Variants in PPARA observed in about 807,000 individuals in gnomAD.
The protein encoded by PPARA is peroxisome proliferator-activated receptor alpha.
In PPARA, 22 loss-of-function variants were observed where a neutral mutation model predicts 42.2. The observed-to-expected ratio is 0.52, with a 90% CI of 0.37 to 0.74. The LOEUF is 0.74. Among genes scored for constraint, PPARA ranks in the 30% least tolerant of loss-of-function variants. The pLI is 0.00. For synonymous variants in PPARA, 242 were observed against 239.3 expected, an observed-to-expected ratio of 1.01 and a Z score of -0.10; for missense variants, 465 against 608.2, an observed-to-expected ratio of 0.76 and a Z score of 2.48.
chr22:46,156,997 G>T lies in PPARA; in HGVS notation c.-127+5027G>T, dbSNP rs940401985. On this transcript the variant is annotated intron_variant, in intron 2 of 8. Coordinates refer to ENST00000407236, the MANE Select transcript of PPARA (RefSeq NM_005036.6). The surrounding 1 kb of genome is among the most constrained non-coding windows in gnomAD (Gnocchi z 5.2). ...CAACTCCATGGCATACCTGGACCAG[G>T]CCTCTTCATCTTGAAGAGGGATCTG... Among the ~76,000 whole-genome samples the T allele has an allele frequency of 2.0e-5, 3 of 152,102 alleles. No homozygotes were observed. Among genetic ancestry groups the T allele is most frequent in the African/African-American group, 4.8e-5 (2 of 41,420 alleles).
chr22:46,218,706 T>C (rs1601785843), intron 6 of PPARA, among the ~76,000 whole-genome samples: 1 of 150,622 alleles, frequency 6.6e-6, no homozygotes, highest in Non-Finnish European at 1.5e-5. Flanking sequence ...TGGTGGCACA[T>C]GCCTGTAGTC....
In PPARA at chr22:46,193,433, A is replaced by G. The variant is rs115155728; in HGVS notation, c.-42-4909A>G. 0.016 allele frequency among the ~76,000 whole-genome samples: 2,497 copies of G among 152,294 alleles called. 71 individuals carry two copies. The highest frequency in any genetic ancestry group is 0.057 in the African/African-American group (2,368 of 41,560). ...TTAATGGTATATTTTTAAATAACTTAAAGAGTATAATTGGATTGTTGTAAC... is the reference window on the plus strand; with the variant it reads ...TTAATGGTATATTTTTAAATAACTTGAAGAGTATAATTGGATTGTTGTAAC... On this transcript the variant is annotated intron_variant, in intron 3 of 8. Transcript: ENST00000407236. The surrounding 1 kb of genome is among the most constrained non-coding windows in gnomAD (Gnocchi z 5.3).
chr22:46,189,111 A>T (rs898510190), intron 3 of PPARA, among the ~76,000 whole-genome samples: 5 of 152,266 alleles, frequency 3.3e-5, no homozygotes, highest in African/African-American at 1.2e-4. Context: ...TTGACTTTTG[A>T]TTCTTGTGGC....
chr22:46,180,898 T>C lies in PPARA; in HGVS notation c.-43+4062T>C, dbSNP rs1929860225. 6.6e-6 allele frequency among the ~76,000 whole-genome samples: 1 copy of C among 152,146 alleles called. No homozygotes were observed. The highest frequency in any genetic ancestry group is 2.4e-5 in the African/African-American group (1 of 41,440). ...GGAGACCTGGGACCTTTGGTGCCAA[T>C]GGGAGGACTTTAGCCCGGAAAGGAG... On this transcript the variant is annotated intron_variant, in intron 3 of 8. Coordinates refer to ENST00000407236, the MANE Select transcript of PPARA (RefSeq NM_005036.6). This position sits in a 1 kb window ranked among gnomAD's most constrained non-coding sequence, Gnocchi z 4.2.
chr22:46,159,172 A>G (rs1322925107), intron 2 of PPARA, among the ~76,000 whole-genome samples: 1 of 142,624 alleles, frequency 7.0e-6, no homozygotes, highest in Non-Finnish European at 1.5e-5. Flanking sequence ...GATTACAGGC[A>G]TGAGCCACCA....
At position 46,180,666 on chromosome 22, in the gene PPARA, GT is replaced by G. The variant is rs1929824840; in HGVS notation, c.-43+3831del. ...TCACATATTTCCTGCCTCAAGATGC[GT>G]AAAAGGTACTTGCCTTCTTTGTTTG... On this transcript the variant is annotated intron_variant, in intron 3 of 8. Transcript: ENST00000407236. The surrounding 1 kb of genome is among the most constrained non-coding windows in gnomAD (Gnocchi z 4.2). Among the ~76,000 whole-genome samples the G allele has an allele frequency of 6.6e-6, 1 of 152,124 alleles. No individual in the cohort carries two copies. The highest frequency in any genetic ancestry group is 2.4e-5 in the African/African-American group (1 of 41,408).
chr22:46,168,518 T>G (rs1927477157), intron 2 of PPARA, among the ~76,000 whole-genome samples: 1 of 151,788 alleles, frequency 6.6e-6, no homozygotes, highest in South Asian at 2.1e-4. Context: ...AACATATATC[T>G]GACAAAGGAC....
Position 46,203,748 on chromosome 22 carries a change from G to A in PPARA, c.208+5157G>A, listed in dbSNP as rs187563633. 8.5e-5 allele frequency among the ~76,000 whole-genome samples: 13 copies of A among 152,340 alleles called. No individual in the cohort carries two copies. The highest frequency in any genetic ancestry group is 6.5e-4 in the Admixed American group (10 of 15,302). The stretch of plus-strand genomic sequence containing the variant: ...CTGGAGGCCAGGCTCCTCCCGCTGC[G>A]CAAGGTGAGAACTTCCCGTGGCTCC... On this transcript the variant is annotated intron_variant, in intron 4 of 8. Transcript: ENST00000407236. This position sits in a 1 kb window ranked among gnomAD's most constrained non-coding sequence, Gnocchi z 5.8.
chr22:46,176,416 G>A (rs1312262726), intron 2 of PPARA, among the ~76,000 whole-genome samples: 1 of 151,998 alleles, frequency 6.6e-6, no homozygotes, highest in Non-Finnish European at 1.5e-5. Context: ...AACCCAGGAG[G>A]CGGAGGTTAC....
chr22:46,223,657 A>AGAAAGAAATG (rs1935173430), intron 7 of PPARA, among the ~76,000 whole-genome samples: 1 of 144,630 alleles, frequency 6.9e-6, no homozygotes, highest in Non-Finnish European at 1.5e-5. Context: ...AAAAAAAAAA[A>AGAAAGAAATG]AGAGGGCCAG....
intron 4 of PPARA, among the ~76,000 whole-genome samples, chr22:46,207,662 ATTATTATTATTATTATTT>A (rs1288683001): frequency 1.0e-3 from 87 of 85,220 alleles, no homozygotes; most frequent in African/African-American, 4.5e-3. Flanking sequence ...TATTATTATT[ATTATTATTATTATTATTT>A]TTTTTTTTTT....
intron 2 of PPARA, among the ~76,000 whole-genome samples, chr22:46,170,777 A>C (rs977443761): frequency 1.3e-5 from 2 of 151,770 alleles, no homozygotes; most frequent in Non-Finnish European, 2.9e-5. Flanking sequence ...CCCTGGAGGG[A>C]TCCTGAGCAC....
rs756154676 is a variant in PPARA, at chr22:46,198,421, C to G, written c.38C>G (p.Pro13Arg). 5 of 1,613,892 alleles carry G rather than the reference C, an allele frequency of 3.1e-6. No homozygotes were observed. The highest frequency in any genetic ancestry group is 4.2e-6 in the Non-Finnish European group (5 of 1,179,952). Residue 13 changes from proline to arginine, a missense_variant, in exon 4 of 9, where the codon CCA becomes CGA. By Grantham distance (103) the Pro-to-Arg change is moderately radical. Transcript: ENST00000407236. ...GAAAGCCCACTCTGCCCCCTCTCCC[C>G]ACTCGAGGCCGGCGATCTAGAGAGC... is the stretch of plus-strand genomic sequence containing the variant. ...DTESPLCPLS[P>R]LEAGDLESPL...
At chr22:46,229,525 C>T (rs1308506142) in intron 7 of PPARA, among the ~76,000 whole-genome samples, 1 of 151,596 alleles carries the variant, frequency 6.6e-6, no homozygotes, top group African/African-American at 2.4e-5. Flanking sequence ...CACCACTGCA[C>T]TCCAGCCTGG....
Position 46,184,484 on chromosome 22 carries a change from G to A in PPARA, c.-43+7648G>A, listed in dbSNP as rs1041444751. On this transcript the variant is annotated intron_variant, in intron 3 of 8. Coordinates refer to ENST00000407236, the MANE Select transcript of PPARA (RefSeq NM_005036.6). The surrounding 1 kb of genome is among the most constrained non-coding windows in gnomAD (Gnocchi z 4.4). The stretch of plus-strand genomic sequence containing the variant: ...AGGGCTTCTCTGAATATAGGGCTAT[G>A]GGGTCAGAAGCCAGTTTCCTCCCAT... 6.6e-6 allele frequency among the ~76,000 whole-genome samples: 1 copy of A among 152,172 alleles called. No individual in the cohort carries two copies. The highest frequency in any genetic ancestry group is 2.4e-5 in the African/African-American group (1 of 41,444).
chr22:46,218,076 CCG>C (rs1182151322), intron 5 of PPARA, among the ~76,000 whole-genome samples, 185 bp from the exon 6 acceptor site: 1 of 151,874 alleles, frequency 6.6e-6, no homozygotes, highest in Non-Finnish European at 1.5e-5. Context: ...GGTGATCCAC[CCG>C]CCTCAGCCTC....
At chr22:46,223,028 C>G (rs556493767) in intron 7 of PPARA, among the ~76,000 whole-genome samples, 1 of 152,270 alleles carries the variant, frequency 6.6e-6, no homozygotes, top group East Asian at 1.9e-4. Context: ...GGCATGGTGG[C>G]ACATGCCTAT....
At chr22:46,176,454 C>T (rs546261175) in intron 2 of PPARA, among the ~76,000 whole-genome samples, 7 of 152,326 alleles carry the variant, frequency 4.6e-5, no homozygotes, top group South Asian at 4.1e-4. Context: ...CCACTGCACT[C>T]CAGCCTGGGC....
At chr22:46,166,415 T>C (rs1927069698) in intron 2 of PPARA, among the ~76,000 whole-genome samples, 1 of 151,966 alleles carries the variant, frequency 6.6e-6, no homozygotes, top group African/African-American at 2.4e-5. Context: ...GTCAGGAGTT[T>C]GAGACCAGCC....
Sources: allele counts gnomAD v4.1 joint callset (sites outside exome capture counted in the v4.1 genomes callset), GRCh38; gene constraint gnomAD v4.1.1; non-coding constraint Gnocchi (gnomAD v3.1); transcripts MANE v1.5; gene names NCBI Gene and HGNC (gene_info 2026-07-23, HGNC 2026-07-21).